Variants in UNC13B observed in about 807,000 individuals in gnomAD.
UNC13B encodes the protein unc-13 homolog B.
Under a neutral mutation model 211.0 loss-of-function variants are expected in UNC13B, and 144 were observed. The observed-to-expected ratio is 0.68, with a 90% CI of 0.60 to 0.78. The LOEUF (loss-of-function observed/expected upper bound fraction) is 0.78. Ranked by LOEUF, UNC13B falls within the 30% of genes least tolerant of loss-of-function variation. The pLI, the probability that UNC13B is intolerant of heterozygous loss-of-function variation, is 0.00. For missense variants in UNC13B, 1,777 were observed against 2,002.0 expected (o/e 0.89, Z 2.14); for synonymous variants, 709 against 725.8 (o/e 0.98, Z 0.37).
Position 35,302,902 on chromosome 9 carries a change from A to G in UNC13B, c.3498A>G (p.Leu1166=), listed in dbSNP as rs1452481562. 7.5e-6 allele frequency: 3 copies of G among 398,562 alleles called. No homozygotes were observed. Among genetic ancestry groups the G allele is most frequent in the Non-Finnish European group, 1.3e-5 (3 of 225,774 alleles). 24.7% of individuals were successfully genotyped at this position (398,562 alleles called of 1,614,324 possible). The change falls in exon 9 of 40, where the codon TTA becomes TTG. Residue 1166 remains leucine, a synonymous_variant. Coordinates refer to ENST00000635942, the MANE Select transcript of UNC13B (RefSeq NM_001371189.2). ...SSAENLSSQE[L]NLKNDDSHHK... ...CTGAAAATTTGTCTAGTCAAGAATT[A>G]AATTTGAAAAATGATGACTCCCATC... is the stretch of plus-strand genomic sequence containing the variant.
In UNC13B at chr9:35,380,738, T is replaced by C. The variant is rs112182689; in HGVS notation, c.10375+99T>C. 684 of 1,468,804 alleles carry C rather than the reference T, an allele frequency of 4.7e-4. 4 individuals carry two copies. In the African/African-American group the frequency reaches 8.4e-3, roughly 18 times the overall value. 91.0% of individuals were successfully genotyped at this position (1,468,804 alleles called of 1,614,324 possible). ...AAAACCACCATCTGTCCCCAAAGCA[T>C]ACCTCTATACAGAGCCTGTCTCACC... On this transcript the variant is annotated intron_variant, in intron 18 of 39. Coordinates refer to ENST00000635942, the MANE Select transcript of UNC13B (RefSeq NM_001371189.2).
At chr9:35,381,532 C>A in intron 19 of UNC13B, 24 bp from the exon 20 acceptor site, 1 of 1,603,568 alleles carries the variant, frequency 6.2e-7, no homozygotes, top group South Asian at 1.1e-5. Flanking sequence ...AACCCATTCC[C>A]TTTCTCTGCT....
intron 1 of UNC13B, among the ~76,000 whole-genome samples, chr9:35,182,496 A>G (rs1821993941): frequency 6.6e-6 from 1 of 150,542 alleles, no homozygotes; most frequent in African/African-American, 2.4e-5. Context: ...GTATTTATTG[A>G]TCATTCTTGG....
chr9:35,359,492 T>C (rs1363291845), intron 11 of UNC13B, among the ~76,000 whole-genome samples: 3 of 152,128 alleles, frequency 2.0e-5, no homozygotes, highest in South Asian at 4.1e-4. Context: ...ACGTAACACC[T>C]CCTTATGGAT....
chr9:35,228,030 T>C lies in UNC13B; in HGVS notation c.38T>C (p.Phe13Ser). ...LLCVRVKRAK[F>S]QGSPDKFNTY... The stretch of plus-strand genomic sequence containing the variant: ...TCTCTTGCAGTTAAAAGGGCCAAAT[T>C]CCAGGGTTCACCAGGTAAGGCCAGC... The change falls in exon 2 of 40, where the codon TTC (phenylalanine) becomes TCC (serine). Residue 13 changes from phenylalanine to serine, a missense_variant. Transcript: ENST00000635942. 1 of 1,612,648 alleles carries C rather than the reference T, an allele frequency of 6.2e-7. No homozygotes were observed.
chr9:35,163,153 A>G (rs192290961), intron 1 of UNC13B, among the ~76,000 whole-genome samples: 2 of 152,342 alleles, frequency 1.3e-5, no homozygotes, highest in Non-Finnish European at 2.9e-5. Flanking sequence ...AGGAAAACAC[A>G]GGGTTTGGAT....
At position 35,291,028 on chromosome 9, in the gene UNC13B, A is replaced by G. The variant is rs914543494; in HGVS notation, c.527-4668A>G. 9.7e-6 allele frequency: 15 copies of G among 1,548,694 alleles called. No individual in the cohort carries two copies. In the East Asian group the frequency reaches 1.7e-4, roughly 18 times the overall value. ...GACTTTTGAATTCCTTCAAAAAAGT[A>G]TTTTCAAAAATTATCTGCTGCTTCT... is the stretch of plus-strand genomic sequence containing the variant. On this transcript the variant is annotated intron_variant, in intron 7 of 39. Coordinates refer to ENST00000635942, the MANE Select transcript of UNC13B (RefSeq NM_001371189.2).
At chr9:35,362,772 C>G (rs982850934) in intron 11 of UNC13B, among the ~76,000 whole-genome samples, 1 of 149,214 alleles carries the variant, frequency 6.7e-6, no homozygotes, top group Admixed American at 6.7e-5. Flanking sequence ...TGCACTCTAG[C>G]CTGGGCAATA....
At chr9:35,253,809 T>C (rs1246859807) in intron 6 of UNC13B, among the ~76,000 whole-genome samples, 1 of 152,224 alleles carries the variant, frequency 6.6e-6, no homozygotes, top group Admixed American at 6.5e-5. Context: ...ACAGAGTCTC[T>C]GGGTGTATAT....
intron 7 of UNC13B, among the ~76,000 whole-genome samples, chr9:35,261,499 C>T (rs1827270408): frequency 6.6e-6 from 1 of 151,610 alleles, no homozygotes; most frequent in South Asian, 2.1e-4. Context: ...TTTATGGGTA[C>T]ATAGTAGGTA....
chr9:35,170,985 T>C (rs2131259191), intron 1 of UNC13B, among the ~76,000 whole-genome samples: 1 of 152,224 alleles, frequency 6.6e-6, no homozygotes, highest in African/African-American at 2.4e-5. Context: ...ATTTTTGTAT[T>C]TTTTGTAGAG....
intron 11 of UNC13B, among the ~76,000 whole-genome samples, chr9:35,344,798 T>C (rs140069864): frequency 5.9e-5 from 9 of 152,294 alleles, no homozygotes; most frequent in Admixed American, 3.3e-4. Context: ...GATCACAATG[T>C]AGTGTGAGAT....
intron 11 of UNC13B, among the ~76,000 whole-genome samples, chr9:35,348,447 T>G (rs891378714): frequency 6.6e-6 from 1 of 152,164 alleles, no homozygotes; most frequent in Admixed American, 6.5e-5. Context: ...AGAAAACTTC[T>G]AGGAGAAAGC....
rs1393249861 is a variant in UNC13B at position 35,390,102 on chromosome 9, T to C, written c.11222+129T>C. On this transcript the variant is annotated intron_variant, in intron 25 of 39. Transcript: ENST00000635942. ...CTTCCTGTCCATCCATCTGTCCCTC[T>C]GTCCCTTGTATCTGTCTGGGTAACT... is the stretch of plus-strand genomic sequence containing the variant. 4 of 1,488,022 alleles carry C rather than the reference T, an allele frequency of 2.7e-6. No individual in the cohort carries two copies. In the Admixed American group the frequency reaches 5.4e-5, roughly 20 times the overall value. The allele number at this position is 1,488,022 out of a possible 1,614,324, so 92.2% of individuals were successfully genotyped here.
At chr9:35,270,610 A>G (rs1004189413) in intron 7 of UNC13B, among the ~76,000 whole-genome samples, 3 of 152,172 alleles carry the variant, frequency 2.0e-5, no homozygotes, top group Non-Finnish European at 2.9e-5. Context: ...CTTAGAATAT[A>G]AACTCACATA....
At position 35,403,733 on chromosome 9, in the gene UNC13B, A is replaced by C; in HGVS notation, c.12738-15A>C. The C allele has an allele frequency of 6.2e-7, 1 of 1,613,718 alleles. No homozygotes were observed. Among genetic ancestry groups the C allele is most frequent in the Non-Finnish European group, 8.5e-7 (1 of 1,179,776 alleles). On this transcript the variant is annotated splice_polypyrimidine_tract_variant and intron_variant, in intron 39 of 39. Transcript: ENST00000635942. Reference sequence around the variant, plus strand: ...ACTCAACTCTGGCCTCATAACTTCTATCTTGTGCTCACAGCCTCCTGGGAA... The same window carrying C: ...ACTCAACTCTGGCCTCATAACTTCTCTCTTGTGCTCACAGCCTCCTGGGAA...
At position 35,162,260 on chromosome 9, in the gene UNC13B, CA is replaced by C. The variant is rs1237572727; in HGVS notation, c.-23del. 1 of 1,541,530 alleles carries C rather than the reference CA, an allele frequency of 6.5e-7. No individual in the cohort carries two copies. The highest frequency in any genetic ancestry group is 2.0e-5 in the Admixed American group (1 of 51,030). On this transcript the variant is annotated 5_prime_UTR_variant, in exon 1 of 40. Coordinates refer to ENST00000635942, the MANE Select transcript of UNC13B (RefSeq NM_001371189.2). ...GCGGTCCGGCGCGGCTGGGGCGCGG[CA>C]GAGGCTTGCCCGATCCTCGGCCATG...
rs147360334 is a variant in UNC13B, at chr9:35,403,819, G to A, written c.12809G>A (p.Arg4270Gln). The change falls in exon 40 of 40, where the codon CGG becomes CAG. Residue 4270 changes from arginine to glutamine, a missense_variant. Coordinates refer to ENST00000635942, the MANE Select transcript of UNC13B (RefSeq NM_001371189.2). Reference sequence around the variant, plus strand: ...TGCGTGAAGGATTACTGCTTTGCCCGGGAAGATCGCGTGCTAGGGCTGGCT... The same window carrying A: ...TGCGTGAAGGATTACTGCTTTGCCCAGGAAGATCGCGTGCTAGGGCTGGCT... ...QICVKDYCFA[R>Q]EDRVLGLAVM... is the part of the protein sequence containing the mutation. The A allele has an allele frequency of 1.2e-5, 20 of 1,614,042 alleles. No individual in the cohort carries two copies. Among genetic ancestry groups the A allele is most frequent in the Middle Eastern group, 1.6e-4 (1 of 6,084 alleles).
At chr9:35,226,581 C>T (rs571405068) in intron 1 of UNC13B, among the ~76,000 whole-genome samples, 3 of 152,210 alleles carry the variant, frequency 2.0e-5, no homozygotes, top group Admixed American at 6.5e-5. Context: ...GTCAAAGGCC[C>T]GAGAGCCCCT....
Sources: allele counts gnomAD v4.1 joint callset (sites outside exome capture counted in the v4.1 genomes callset), GRCh38; gene constraint gnomAD v4.1.1; transcripts MANE v1.5; gene names NCBI Gene and HGNC (gene_info 2026-07-23, HGNC 2026-07-21).